CFAP52: variants seen among roughly 807,000 people sequenced by gnomAD.
CFAP52 encodes the protein cilia- and flagella-associated protein 52.
CFAP52 carries 57 observed loss-of-function variants against 70.5 expected under a neutral mutation model. The observed-to-expected ratio is 0.81, with a 90% confidence interval of 0.65 to 1.01. The LOEUF is 1.01. Among genes scored for constraint, CFAP52 ranks in the 50% least tolerant of loss-of-function variants. The probability of loss-of-function intolerance (pLI) is 0.00; values close to 1 mark genes in which losing one functional copy is unlikely to be tolerated. For synonymous variants in CFAP52, 267 were observed against 292.5 expected (o/e 0.91, Z 0.89); for missense variants, 785 against 788.5 (o/e 1.00, Z 0.05).
At chr17:9,580,332 A>AG (rs1908157571) in intron 1 of CFAP52, among the ~76,000 whole-genome samples, 1 of 151,750 alleles carries the variant, frequency 6.6e-6, no homozygotes, top group African/African-American at 2.4e-5. Flanking sequence ...AAAAAAAAAA[A>AG]AAAGCCAGAC....
In CFAP52 at chr17:9,580,757, A is replaced by AT. The variant is rs1329379890; in HGVS notation, c.70+3992_70+3993insT. 3.7e-4 allele frequency among the ~76,000 whole-genome samples: 23 copies of AT among 62,842 alleles called. No homozygotes were observed. In the East Asian group the frequency reaches 0.072, roughly 197 times the overall value. 41.2% of individuals were successfully genotyped at this position (62,842 alleles called of 152,430 possible). A position where few individuals can be genotyped will look rare whatever the true frequency, so the allele number is the denominator to read the frequency against. On this transcript the variant is annotated intron_variant, in intron 1 of 13. Transcript: ENST00000352665. ...TTCTCAAACTGGCAAAGGCAAAAAA[A>AT]GAAAAAAAAAGGGTAATATAATAAG... is the stretch of plus-strand genomic sequence containing the variant.
At position 9,576,659 on chromosome 17, in the gene CFAP52, C is replaced by T; in HGVS notation, c.-37C>T. The T allele has an allele frequency of 6.3e-7, 1 of 1,580,848 alleles. No homozygotes were observed. Among genetic ancestry groups the T allele is most frequent in the Admixed American group, 1.8e-5 (1 of 57,110 alleles). On this transcript the variant is annotated 5_prime_UTR_variant, in exon 1 of 14. Coordinates refer to ENST00000352665, the MANE Select transcript of CFAP52 (RefSeq NM_145054.5). ...TAACGACCAGAAGACGCTGCAGCCA[C>T]TAGGGAGGAGAGCAAAGTAATCAGA...
chr17:9,633,397 G>A (rs1356088702), intron 10 of CFAP52, among the ~76,000 whole-genome samples: 1 of 151,976 alleles, frequency 6.6e-6, no homozygotes, highest in African/African-American at 2.4e-5. Flanking sequence ...TAGAGATGGG[G>A]TTTCACCATG....
At chr17:9,604,370 A>G (rs1909395667) in intron 6 of CFAP52, among the ~76,000 whole-genome samples, 1 of 152,218 alleles carries the variant, frequency 6.6e-6, no homozygotes, top group Non-Finnish European at 1.5e-5. Flanking sequence ...TTGGCAAAAG[A>G]CATACCTGAA....
At chr17:9,612,255 G>T (rs986860039) in intron 7 of CFAP52, 54 bp from the exon 8 acceptor site, 82 of 1,589,028 alleles carry the variant, frequency 5.2e-5, no homozygotes, top group Non-Finnish European at 3.7e-5. Flanking sequence ...CACATGATTC[G>T]TAACTACTTA....
intron 11 of CFAP52, among the ~76,000 whole-genome samples, chr17:9,636,250 AGAG>A (rs2151952297): frequency 9.8e-6 from 1 of 101,814 alleles, no homozygotes; most frequent in South Asian, 4.5e-4. Flanking sequence ...AAAGAAAGAA[AGAG>A]AAAGAAAAAT....
chr17:9,578,851 G>C (rs1471573742), intron 1 of CFAP52, among the ~76,000 whole-genome samples: 1 of 152,128 alleles, frequency 6.6e-6, no homozygotes, highest in Non-Finnish European at 1.5e-5. Context: ...CAGCCACAGG[G>C]TGGAGGGGTG....
intron 8 of CFAP52, among the ~76,000 whole-genome samples, chr17:9,618,574 T>C: frequency 2.0e-5 from 1 of 49,170 alleles, no homozygotes; most frequent in Non-Finnish European, 3.7e-5. Context: ...ACCACACCTA[T>C]TCCAAAATTG....
intron 8 of CFAP52, among the ~76,000 whole-genome samples, chr17:9,612,800 A>AT (rs372497486): frequency 9.5e-5 from 12 of 126,800 alleles, no homozygotes; most frequent in South Asian, 9.3e-4. Flanking sequence ...CTGACTTATG[A>AT]TTTTTTTTAT....
chr17:9,594,154 T>G (rs1410262305), intron 3 of CFAP52, 39 bp from the exon 4 acceptor site: 8 of 1,545,112 alleles, frequency 5.2e-6, no homozygotes, highest in Non-Finnish European at 7.0e-6. Context: ...GCCTGTTTTC[T>G]CTTTGACTTT....
At chr17:9,614,740 G>C (rs1909842910) in intron 8 of CFAP52, among the ~76,000 whole-genome samples, 1 of 152,164 alleles carries the variant, frequency 6.6e-6, no homozygotes, top group Admixed American at 6.5e-5. Context: ...TGCATTAAAG[G>C]ATGTTTGGCA....
Position 9,628,530 on chromosome 17 carries a change from G to A in CFAP52, c.1026-142G>A. 2.8e-6 allele frequency: 3 copies of A among 1,080,584 alleles called. No homozygotes were observed. In the South Asian group the frequency reaches 4.8e-5, roughly 17 times the overall value. 66.9% of individuals were successfully genotyped at this position (1,080,584 alleles called of 1,614,324 possible). On this transcript the variant is annotated intron_variant, in intron 8 of 13. Coordinates refer to ENST00000352665, the MANE Select transcript of CFAP52 (RefSeq NM_145054.5). Reference sequence around the variant, plus strand: ...CCTGACCTCGTGATCCACCCCCCTGGCCTCCCAAAGTGCTGGGATTACAGG... The same window carrying A: ...CCTGACCTCGTGATCCACCCCCCTGACCTCCCAAAGTGCTGGGATTACAGG...
intron 9 of CFAP52, among the ~76,000 whole-genome samples, chr17:9,631,827 C>G (rs111629803): frequency 0.015 from 2,273 of 149,878 alleles, 72 homozygotes; most frequent in African/African-American, 0.053. Context: ...GAGTGCAGTG[C>G]TGTGATCTCG....
intron 4 of CFAP52, among the ~76,000 whole-genome samples, chr17:9,594,791 G>C (rs1908923184): frequency 6.6e-6 from 1 of 151,976 alleles, no homozygotes; most frequent in Non-Finnish European, 1.5e-5. Context: ...TGGTGACCTA[G>C]CTGAAAGTTT....
intron 12 of CFAP52, among the ~76,000 whole-genome samples, chr17:9,640,213 G>T (rs1910988724): frequency 6.6e-6 from 1 of 151,402 alleles, no homozygotes; most frequent in South Asian, 2.1e-4. Context: ...CCTGATTCCT[G>T]GTCAAGCACT....
At chr17:9,624,253 A>G (rs1910157832) in intron 8 of CFAP52, among the ~76,000 whole-genome samples, 1 of 152,110 alleles carries the variant, frequency 6.6e-6, no homozygotes, top group African/African-American at 2.4e-5. Context: ...CTTGTTCCTT[A>G]AGAATTTTCA....
Position 9,643,071 on chromosome 17 carries a change from T to C in CFAP52, c.1736T>C (p.Val579Ala). The C allele has an allele frequency of 3.1e-6, 5 of 1,612,034 alleles. No individual in the cohort carries two copies. Among genetic ancestry groups the C allele is most frequent in the Non-Finnish European group, 4.2e-6 (5 of 1,179,238 alleles). The part of the protein sequence containing the change: ...VKVWDYNEGE[V>A]THVGVGHSGN... ...GTTTGGGATTATAATGAGGGTGAAG[T>C]GACTCACGTTGGGGTGGGACACAGT... The change falls in exon 14 of 14, where the codon GTG becomes GCG. Residue 579 changes from valine to alanine, a missense_variant. Coordinates refer to ENST00000352665, the MANE Select transcript of CFAP52 (RefSeq NM_145054.5).
At chr17:9,631,020 A>G (rs1351248044) in intron 9 of CFAP52, among the ~76,000 whole-genome samples, 780 of 39,072 alleles carry the variant, frequency 0.02, 30 homozygotes, top group African/African-American at 0.11. Context: ...GAAAGAAAGA[A>G]AGAAAGAAAG....
At chr17:9,585,439 T>C (rs544097440) in intron 1 of CFAP52, among the ~76,000 whole-genome samples, 74 of 152,126 alleles carry the variant, frequency 4.9e-4, no homozygotes, top group Non-Finnish European at 9.0e-4. Context: ...GAGGCTAAGG[T>C]GGACGGATCA....
Sources: allele counts gnomAD v4.1 joint callset (sites outside exome capture counted in the v4.1 genomes callset), GRCh38; gene constraint gnomAD v4.1.1; transcripts MANE v1.5; gene names NCBI Gene and HGNC (gene_info 2026-07-23, HGNC 2026-07-21).